Variants in KCNN2 observed in about 807,000 individuals in gnomAD.
The protein encoded by KCNN2 is small conductance calcium-activated potassium channel protein 2.
KCNN2 carries 24 observed loss-of-function variants against 55.5 expected under a neutral mutation model. The observed-to-expected ratio is 0.43, with a 90% CI of 0.31 to 0.61. KCNN2 has a LOEUF of 0.61. Ranked by LOEUF, KCNN2 falls within the 20% of genes least tolerant of loss-of-function variation. The probability of loss-of-function intolerance (pLI) is 0.08; values close to 1 mark genes in which losing one functional copy is unlikely to be tolerated. For synonymous variants in KCNN2, 431 were observed against 336.1 expected (o/e 1.28, Z -3.09); for missense variants, 754 against 853.6 (o/e 0.88, Z 1.45).
At chr5:114,100,152 A>G (rs907930978) in intron 1 of KCNN2, among the ~76,000 whole-genome samples, 1 of 152,108 alleles carries the variant, frequency 6.6e-6, no homozygotes, top group Non-Finnish European at 1.5e-5. Flanking sequence ...ATTTTGAGCC[A>G]TATTAATGTT....
chr5:114,399,567 G>A (rs1053591443), intron 2 of KCNN2, among the ~76,000 whole-genome samples: 7 of 151,984 alleles, frequency 4.6e-5, no homozygotes, highest in Admixed American at 2.0e-4. Context: ...TTATTTTTTT[G>A]TTGTGTCTCT....
At chr5:114,301,402 C>G (rs141931515) in intron 2 of KCNN2, among the ~76,000 whole-genome samples, 357 of 152,284 alleles carry the variant, frequency 2.3e-3, no homozygotes, top group African/African-American at 8.2e-3. Context: ...TCATTTCTGT[C>G]ATCGCATGCC....
chr5:114,449,304 T>C (rs897709757), intron 3 of KCNN2, among the ~76,000 whole-genome samples: 2 of 152,136 alleles, frequency 1.3e-5, no homozygotes, highest in Non-Finnish European at 2.9e-5. Flanking sequence ...CAAAACGTAG[T>C]GTAGGGTAGA....
intron 2 of KCNN2, among the ~76,000 whole-genome samples, chr5:114,390,965 C>T (rs985510768): frequency 2.0e-5 from 3 of 152,054 alleles, no homozygotes; most frequent in Non-Finnish European, 2.9e-5. Context: ...GTCTTAAGAG[C>T]AGCATAACAT....
intron 1 of KCNN2, among the ~76,000 whole-genome samples, chr5:114,096,997 G>C (rs562308765): frequency 1.6e-5 from 2 of 122,870 alleles, no homozygotes; most frequent in South Asian, 2.9e-4. Context: ...ACTGGCCCAG[G>C]GTTACCTAGC....
At chr5:114,358,054 T>A (rs1438475762), upstream of KCNN2, among the ~76,000 whole-genome samples, 1 of 151,706 alleles carries the variant, frequency 6.6e-6, no homozygotes, top group African/African-American at 2.4e-5. Flanking sequence ...TGGCCAGTGA[T>A]GATGAGCATT....
rs543306487 is a variant in KCNN2, at chr5:114,241,444, A to G, written c.-185+19879A>G. Among the ~76,000 whole-genome samples, 5 of 151,854 alleles carry G rather than the reference A, an allele frequency of 3.3e-5. 1 individual carries two copies. The East Asian group carries it at 9.7e-4, about 30-fold the overall frequency. On this transcript the variant is annotated intron_variant, in intron 2 of 10. Coordinates refer to the KCNN2 transcript ENST00000512097. ...CAAAACATCATTCTGTCTTCAGGAG[A>G]ATCTAAATAAATGGACTGGTGAAAA... is the stretch of plus-strand genomic sequence containing the variant.
At chr5:114,327,871 G>T (rs1286545621) in intron 2 of KCNN2, among the ~76,000 whole-genome samples, 1 of 152,190 alleles carries the variant, frequency 6.6e-6, no homozygotes, top group Non-Finnish European at 1.5e-5. Flanking sequence ...AGTTAGTACT[G>T]TTTTAATCCT....
chr5:114,462,027 T>C (rs576500942), intron 3 of KCNN2, among the ~76,000 whole-genome samples: 2 of 152,228 alleles, frequency 1.3e-5, no homozygotes. Flanking sequence ...AGTAAGGAAG[T>C]CTTCTAGTGA....
At chr5:114,152,333 C>T (rs554412962) in intron 1 of KCNN2, among the ~76,000 whole-genome samples, 167 of 152,220 alleles carry the variant, frequency 1.1e-3, no homozygotes, top group Middle Eastern at 0.01. Flanking sequence ...TTTTATCTAA[C>T]GTCATACTAT....
At chr5:114,279,008 C>G (rs932464640) in intron 2 of KCNN2, among the ~76,000 whole-genome samples, 1 of 68,792 alleles carries the variant, frequency 1.5e-5, no homozygotes, top group East Asian at 5.1e-4. Context: ...TTGGAAGCAA[C>G]CCCCTAGTTC....
Position 114,328,319 on chromosome 5 carries a change from A to G in KCNN2, c.-184-32626A>G, listed in dbSNP as rs527788584. ...GGATCTGAGGCAGATCTACAGCAGC[A>G]CACATACCATGGGTTAAGGAATAGA... On this transcript the variant is annotated intron_variant, in intron 2 of 10. Coordinates refer to the KCNN2 transcript ENST00000512097. 7.9e-5 allele frequency among the ~76,000 whole-genome samples: 12 copies of G among 152,254 alleles called. No individual in the cohort carries two copies. The South Asian group carries it at 1.7e-3, about 21-fold the overall frequency.
intron 4 of KCNN2, among the ~76,000 whole-genome samples, chr5:114,469,437 T>G (rs138489166): frequency 6.6e-6 from 1 of 152,314 alleles, no homozygotes; most frequent in East Asian, 1.9e-4. Context: ...TTAGTGATTT[T>G]GCTTAAGTTT....
At chr5:114,253,172 G>A (rs1373775399) in intron 2 of KCNN2, among the ~76,000 whole-genome samples, 1 of 146,564 alleles carries the variant, frequency 6.8e-6, no homozygotes, top group African/African-American at 2.5e-5. Flanking sequence ...CCTGGTGACG[G>A]TCTTTCCATT....
chr5:114,251,880 C>CTTTTTTT (rs200692821), intron 2 of KCNN2, among the ~76,000 whole-genome samples: 14 of 133,282 alleles, frequency 1.1e-4, no homozygotes, highest in East Asian at 2.2e-4. Flanking sequence ...TTTTCTTTTT[C>CTTTTTTT]TTTTTTTTTT....
chr5:114,464,993 T>C (rs1159468232), intron 4 of KCNN2, among the ~76,000 whole-genome samples: 1 of 152,128 alleles, frequency 6.6e-6, no homozygotes, highest in Non-Finnish European at 1.5e-5. Context: ...TTATAAAAAC[T>C]AGTAATTGCA....
At chr5:114,190,090 A>G (rs1753420782) in intron 1 of KCNN2, among the ~76,000 whole-genome samples, 1 of 152,176 alleles carries the variant, frequency 6.6e-6, no homozygotes, top group South Asian at 2.1e-4. Flanking sequence ...CAAAATATAA[A>G]ATATTTGTAG....
intron 1 of KCNN2, among the ~76,000 whole-genome samples, chr5:114,141,939 G>T (rs1283325971): frequency 6.6e-6 from 1 of 152,178 alleles, no homozygotes; most frequent in Admixed American, 6.5e-5. Flanking sequence ...CTTTTGAGAA[G>T]TGTCTGTTCA....
intron 2 of KCNN2, among the ~76,000 whole-genome samples, chr5:114,329,138 A>T (rs1348208604): frequency 1.3e-5 from 2 of 152,106 alleles, no homozygotes; most frequent in African/African-American, 4.8e-5. Flanking sequence ...ATGGATACAA[A>T]TGGTATTTAT....
Sources: allele counts gnomAD v4.1 joint callset (sites outside exome capture counted in the v4.1 genomes callset), GRCh38; gene constraint gnomAD v4.1.1; transcripts MANE v1.5; gene names NCBI Gene and HGNC (gene_info 2026-07-23, HGNC 2026-07-21).